SNRPA: variants seen among roughly 807,000 people sequenced by gnomAD.
SNRPA encodes small nuclear ribonucleoprotein polypeptide A.
SNRPA carries 10 observed loss-of-function variants against 24.5 expected under a neutral mutation model. The ratio of observed to expected loss-of-function variants is 0.41; its 90% CI spans 0.25 to 0.69. SNRPA has a LOEUF of 0.69. Among genes scored for constraint, SNRPA ranks in the 30% least tolerant of loss-of-function variants. SNRPA has a pLI of 0.33. For synonymous variants in SNRPA, 165 were observed against 148.4 expected (o/e 1.11, Z -0.81); for missense variants, 283 against 394.7 (o/e 0.72, Z 2.40).
At chr19:40,753,503 TCTC>T (rs1487996067) in intron 1 of SNRPA, among the ~76,000 whole-genome samples, 2 of 135,570 alleles carry the variant, frequency 1.5e-5, no homozygotes, top group East Asian at 5.1e-4. Context: ...TTCAAGCGAT[TCTC>T]CTGCCTCAGC....
At chr19:40,757,797 C>T (rs2082914769) in intron 2 of SNRPA, among the ~76,000 whole-genome samples, 1 of 151,452 alleles carries the variant, frequency 6.6e-6, no homozygotes, top group South Asian at 2.1e-4. Context: ...CAAAAATTAG[C>T]TCGGTGTGGC....
In SNRPA at chr19:40,751,240, C is replaced by A. The variant is rs1379576996; in HGVS notation, c.-169C>A. On this transcript the variant is annotated 5_prime_UTR_variant, in exon 1 of 6. Coordinates refer to ENST00000243563, the MANE Select transcript of SNRPA (RefSeq NM_004596.5). ...GGGCTGGAGAAGCGGGTCCTACGCA[C>A]GCTTTGTTGTCGCGCTTTGCCTCCG... 8 of 659,430 alleles carry A rather than the reference C, an allele frequency of 1.2e-5. No homozygotes were observed. In the East Asian group the frequency reaches 2.0e-4, roughly 17 times the overall value. The allele number at this position is 659,430 out of a possible 1,614,324, so 40.8% of individuals were successfully genotyped here.
At position 40,765,086 on chromosome 19, in the gene SNRPA, G is replaced by T. The variant is rs1426663952; in HGVS notation, c.768G>T (p.Gln256His). The change falls in exon 6 of 6, where the codon CAG becomes CAT. Residue 256 changes from glutamine (Q) to histidine (H), a missense_variant. Gln to His is a conservative substitution (Grantham distance 24). Transcript: ENST00000243563. ...IAFVEFDNEV[Q>H]AGAARDALQG... ...TCGTGGAGTTTGACAATGAGGTACA[G>T]GCAGGGGCAGCTCGCGATGCCCTGC... 3.1e-6 allele frequency: 5 copies of T among 1,592,146 alleles called. No individual in the cohort carries two copies. The highest frequency in any genetic ancestry group is 4.3e-6 in the Non-Finnish European group (5 of 1,170,694).
chr19:40,759,209 A>G lies in SNRPA; in HGVS notation c.247-222A>G, dbSNP rs2082920878. On this transcript the variant is annotated intron_variant, in intron 2 of 5. Coordinates refer to ENST00000243563, the MANE Select transcript of SNRPA (RefSeq NM_004596.5). The stretch of plus-strand genomic sequence containing the variant: ...GACAGAGCAAGACAATGTCTCAAAA[A>G]AAAAAAAAAAAGAAAAGAAACAAAG... Among the ~76,000 whole-genome samples, 3 of 151,262 alleles carry G rather than the reference A, an allele frequency of 2.0e-5. No homozygotes were observed. In the South Asian group the frequency reaches 6.3e-4, roughly 32 times the overall value.
At position 40,765,321 on chromosome 19, in the gene SNRPA, C is replaced by A. The variant is rs1599730915; in HGVS notation, c.*154C>A. On this transcript the variant is annotated 3_prime_UTR_variant, in exon 6 of 6. Transcript: ENST00000243563. ...ACACAGCATTGTACCCAGAGTCTGT[C>A]CCCAGACATTGCACCTGGCGCTGTT... is the stretch of plus-strand genomic sequence containing the variant. 2.8e-5 allele frequency: 12 copies of A among 422,662 alleles called. No homozygotes were observed. In the East Asian group the frequency reaches 3.6e-4, roughly 13 times the overall value. 26.2% of individuals were successfully genotyped at this position (422,662 alleles called of 1,614,324 possible).
intron 1 of SNRPA, among the ~76,000 whole-genome samples, chr19:40,756,596 CAAAAAAA>C (rs916818115): frequency 2.6e-5 from 2 of 76,628 alleles, no homozygotes; most frequent in African/African-American, 8.9e-5. Flanking sequence ...ACCTTGTCAC[CAAAAAAA>C]AAAAAAAAAA....
chr19:40,763,456 A>C (rs2082941588), intron 4 of SNRPA, 131 bp from the exon 5 acceptor site: 3 of 762,954 alleles, frequency 3.9e-6, no homozygotes, highest in Middle Eastern at 2.3e-4. Context: ...ACAGACAACA[A>C]TATGTGGTAT....
At chr19:40,763,725 G>T (rs2082942995) in intron 5 of SNRPA, 50 bp downstream of exon 5, 1 of 1,438,980 alleles carries the variant, frequency 6.9e-7, no homozygotes, top group Non-Finnish European at 9.8e-7. Context: ...TGGCCAGGAG[G>T]CATCTCCATG....
intron 5 of SNRPA, 90 bp downstream of exon 5, chr19:40,763,765 G>A: frequency 9.1e-7 from 1 of 1,095,660 alleles, no homozygotes; most frequent in Non-Finnish European, 1.4e-6. Context: ...TGCCAGCAGA[G>A]CTCTGAGCCA....
At position 40,751,431 on chromosome 19, in the gene SNRPA, C is replaced by T; in HGVS notation, c.23C>T (p.Pro8Leu). 1 of 1,613,644 alleles carries T rather than the reference C, an allele frequency of 6.2e-7. No homozygotes were observed. The highest frequency in any genetic ancestry group is 8.5e-7 in the Non-Finnish European group (1 of 1,179,638). The part of the protein sequence containing the change: MAVPETR[P>L]NHTIYINNLN... ...TCCATGGCAGTTCCCGAGACCCGCCCTAACCACACTATTTATATCAACAAC... is the reference window on the plus strand; with the variant it reads ...TCCATGGCAGTTCCCGAGACCCGCCTTAACCACACTATTTATATCAACAAC... Residue 8 changes from proline (P) to leucine (L), a missense_variant, in exon 1 of 6, where the codon CCT becomes CTT. This residue lies in a region of SNRPA where 32 missense variants were observed against 26.8 expected (regional missense o/e 1.19). Coordinates refer to ENST00000243563, the MANE Select transcript of SNRPA (RefSeq NM_004596.5).
intron 1 of SNRPA, among the ~76,000 whole-genome samples, chr19:40,753,384 G>GTTTGTTT (rs2082892993): frequency 2.6e-5 from 1 of 38,382 alleles, no homozygotes; most frequent in Non-Finnish European, 4.3e-5. Context: ...TTTTGCATAT[G>GTTTGTTT]TTTTTTTTTT....
chr19:40,757,761 C>T (rs573074101), intron 2 of SNRPA, among the ~76,000 whole-genome samples: 14 of 151,532 alleles, frequency 9.2e-5, no homozygotes, highest in African/African-American at 3.4e-4. Context: ...TGGGCAACAC[C>T]GTGAAACCCT....
rs1381862322 is a variant in SNRPA, at chr19:40,765,344, G to A, written c.*177G>A. ...GTCCCCAGACATTGCACCTGGCGCT[G>A]TTAGGCCGGAATTAAAGTGGCTTTT... On this transcript the variant is annotated 3_prime_UTR_variant, in exon 6 of 6. Transcript: ENST00000243563. The A allele has an allele frequency of 5.1e-6, 2 of 390,952 alleles. No homozygotes were observed. Among genetic ancestry groups the A allele is most frequent in the Non-Finnish European group, 9.1e-6 (2 of 220,346 alleles). The allele number at this position is 390,952 out of a possible 1,614,324, so 24.2% of individuals were successfully genotyped here. A position where few individuals can be genotyped will look rare whatever the true frequency, so the allele number is the denominator to read the frequency against.
At chr19:40,757,535 G>A (rs369564936) in intron 2 of SNRPA, 31 bp downstream of exon 2, 3 of 1,582,628 alleles carry the variant, frequency 1.9e-6, no homozygotes, top group African/African-American at 1.4e-5. Context: ...GGCTGTGTGG[G>A]TGTGTAAAAT....
At chr19:40,763,758 CAGCAG>C in intron 5 of SNRPA, 83 bp downstream of exon 5, 1 of 1,144,902 alleles carries the variant, frequency 8.7e-7, no homozygotes, top group Non-Finnish European at 1.3e-6. Context: ...AGAACTCTGC[CAGCAG>C]AGCTCTGAGC....
chr19:40,752,694 G>A (rs2082887512), intron 1 of SNRPA, among the ~76,000 whole-genome samples: 1 of 151,480 alleles, frequency 6.6e-6, no homozygotes, highest in Admixed American at 6.6e-5. Flanking sequence ...TGAGGCTGCA[G>A]TGAGCTATGA....
At chr19:40,754,413 T>A (rs1368483755) in intron 1 of SNRPA, among the ~76,000 whole-genome samples, 1 of 152,124 alleles carries the variant, frequency 6.6e-6, no homozygotes, top group South Asian at 2.1e-4. Flanking sequence ...ACCCTGGTTC[T>A]TTAGGACAGT....
chr19:40,755,257 CTTTT>C (rs1004235207), intron 1 of SNRPA, among the ~76,000 whole-genome samples: 6,365 of 82,706 alleles, frequency 0.077, 208 homozygotes, highest in East Asian at 0.17. Context: ...TTTTTCTTTT[CTTTT>C]TTTTTTTTTT....
At chr19:40,755,265 T>TC (rs2082903888) in intron 1 of SNRPA, among the ~76,000 whole-genome samples, 1 of 142,600 alleles carries the variant, frequency 7.0e-6, no homozygotes, top group African/African-American at 2.6e-5. Flanking sequence ...TTCTTTTTTT[T>TC]TTTTTTTTTT....
Sources: gnomAD v4.1 joint callset for allele counts (sites outside exome capture counted in the v4.1 genomes callset) on GRCh38, gnomAD v4.1.1 for gene constraint, gnomAD v4.1.1 regional missense constraint, MANE v1.5 for transcripts, NCBI Gene and HGNC (gene_info 2026-07-23, HGNC 2026-07-21) for gene names.